The following LRRC37A2 variants were observed in gnomAD, a reference collection of about 807,000 sequenced individuals.
The protein encoded by LRRC37A2 is leucine rich repeat containing 37 member A2.
In LRRC37A2, 9 loss-of-function variants were observed where a neutral mutation model predicts 68.8. That is an observed-to-expected ratio of 0.13 (90% CI 0.08 to 0.23). The LOEUF is 0.23. Among genes scored for constraint, LRRC37A2 ranks in the 10% least tolerant of loss-of-function variants. LRRC37A2 has a pLI of 1.00. For synonymous variants in LRRC37A2, 63 were observed against 367.6 expected, an observed-to-expected ratio of 0.17 and a Z score of 9.48; for missense variants, 168 against 950.4, an observed-to-expected ratio of 0.18 and a Z score of 10.82.
chr17:46,845,612 C>T, the LRRC37A2 span, among the ~76,000 whole-genome samples: 14 of 150,512 alleles, frequency 9.3e-5, no homozygotes, highest in Admixed American at 9.3e-4. Flanking sequence ...GCCTTGGCCT[C>T]CCGAGTAGCT....
At chr17:46,925,581 T>A in the LRRC37A2 span, among the ~76,000 whole-genome samples, 2 of 152,216 alleles carry the variant, frequency 1.3e-5, no homozygotes, top group African/African-American at 4.8e-5. Context: ...TCCTTTCAGT[T>A]CCATGATAAC....
chr17:46,804,024 T>C, the LRRC37A2 span, among the ~76,000 whole-genome samples: 1 of 152,258 alleles, frequency 6.6e-6, no homozygotes, highest in Admixed American at 6.5e-5. Flanking sequence ...TCCTTGCACC[T>C]GCATTGACCT....
chr17:46,931,675 T>C, the LRRC37A2 span: 1 of 280,196 alleles, frequency 3.6e-6, no homozygotes, highest in Non-Finnish European at 6.7e-6. Flanking sequence ...CAGCGCCTGT[T>C]TCCAAAAGTT....
At chr17:46,914,650 CAAAAAAAAA>C in the LRRC37A2 span, among the ~76,000 whole-genome samples, 4 of 72,510 alleles carry the variant, frequency 5.5e-5, no homozygotes, top group Non-Finnish European at 7.1e-5. Context: ...GACTCCACCT[CAAAAAAAAA>C]AAAAAAAAAA....
the LRRC37A2 span, among the ~76,000 whole-genome samples, chr17:46,997,970 G>GAAA: frequency 1.5e-5 from 2 of 136,638 alleles, no homozygotes; most frequent in African/African-American, 2.7e-5. Flanking sequence ...AACTCCATCT[G>GAAA]AAAAAAAAAA....
chr17:46,906,574 C>T, the LRRC37A2 span, among the ~76,000 whole-genome samples: 2 of 152,172 alleles, frequency 1.3e-5, no homozygotes. Context: ...AGGTGCATGC[C>T]ACCATGCCCA....
chr17:46,763,041 A>T, the LRRC37A2 span: 1 of 152,174 alleles, frequency 6.6e-6, no homozygotes, highest in Non-Finnish European at 1.5e-5. Context: ...TATCTTTAGC[A>T]GGGCTTGTGG....
At chr17:46,833,146 A>G in the LRRC37A2 span, 2 of 358,598 alleles carry the variant, frequency 5.6e-6, no homozygotes, top group Non-Finnish European at 1.1e-5. Context: ...CTGGCTGCCA[A>G]TCCAGAGTGA....
At chr17:47,033,870 C>T in the LRRC37A2 span, among the ~76,000 whole-genome samples, 3 of 152,166 alleles carry the variant, frequency 2.0e-5, no homozygotes, top group African/African-American at 7.2e-5. Context: ...TAGAGCAGTA[C>T]TTCTTAAACT....
In LRRC37A2 at chr17:46,553,468, A is replaced by G. The variant is rs2057023628; in HGVS notation, c.4859+19A>G. 6 of 1,597,554 alleles carry G rather than the reference A, an allele frequency of 3.8e-6. 1 individual carries two copies. In the East Asian group the frequency reaches 1.4e-4, roughly 36 times the overall value. ...TCTCAAGGTAAATATTAGTCTGGTG[A>G]TTTTTTTTTTCTTCTCTTTTGAGAC... On this transcript the variant is annotated intron_variant, in intron 12 of 14. Coordinates refer to ENST00000576629, the Ensembl canonical transcript of LRRC37A2.
At chr17:46,761,165 T>C in the LRRC37A2 span, among the ~76,000 whole-genome samples, 1 of 152,168 alleles carries the variant, frequency 6.6e-6, no homozygotes, top group African/African-American at 2.4e-5. Flanking sequence ...TGTAACAGTT[T>C]TTGTGGTTTC....
chr17:47,035,697 T>C, the LRRC37A2 span, among the ~76,000 whole-genome samples: 1 of 152,252 alleles, frequency 6.6e-6, no homozygotes, highest in African/African-American at 2.4e-5. Context: ...TGCTAGATCA[T>C]ATGGCAACTC....
the LRRC37A2 span, among the ~76,000 whole-genome samples, chr17:46,722,894 A>T: frequency 4.6e-5 from 7 of 152,178 alleles, no homozygotes; most frequent in Non-Finnish European, 1.0e-4. Context: ...GTGTTAATAG[A>T]GCTTGCTGTG....
At chr17:46,975,184 G>A in the LRRC37A2 span, 44 of 152,096 alleles carry the variant, frequency 2.9e-4, no homozygotes, top group African/African-American at 1.0e-3. Flanking sequence ...GTCCCCTATC[G>A]CTCCTATTTT....
chr17:46,773,442 G>A, the LRRC37A2 span, among the ~76,000 whole-genome samples: 2 of 152,118 alleles, frequency 1.3e-5, no homozygotes, highest in Non-Finnish European at 2.9e-5. Context: ...GAAGTCTGTG[G>A]CCTTCTTGGT....
chr17:46,876,941 C>A, the LRRC37A2 span: 32 of 1,320,968 alleles, frequency 2.4e-5, no homozygotes, highest in African/African-American at 4.4e-4. Flanking sequence ...ACCCAAGCAT[C>A]CCCAACCTTG....
the LRRC37A2 span, among the ~76,000 whole-genome samples, chr17:46,786,468 G>A: frequency 6.6e-6 from 1 of 152,232 alleles, no homozygotes; most frequent in African/African-American, 2.4e-5. Context: ...GTAAAAGGCA[G>A]GGACCTCACT....
At chr17:47,020,596 G>A in the LRRC37A2 span, among the ~76,000 whole-genome samples, 3 of 150,158 alleles carry the variant, frequency 2.0e-5, no homozygotes, top group African/African-American at 7.4e-5. Flanking sequence ...TGGCTAACAT[G>A]GTGAAACCCC....
chr17:46,707,173 A>C, the LRRC37A2 span, among the ~76,000 whole-genome samples: 1 of 152,046 alleles, frequency 6.6e-6, no homozygotes, highest in Non-Finnish European at 1.5e-5. Flanking sequence ...TTTGCCATTC[A>C]GTTAGGTGTA....
Sources: allele counts gnomAD v4.1 joint callset (sites outside exome capture counted in the v4.1 genomes callset), GRCh38; gene constraint gnomAD v4.1.1; transcripts MANE v1.5; gene names NCBI Gene and HGNC (gene_info 2026-07-23, HGNC 2026-07-21).